ST7L: variants seen among roughly 807,000 people sequenced by gnomAD.
ST7L encodes suppression of tumorigenicity 7 like.
ST7L carries 57 observed loss-of-function variants against 72.5 expected under a neutral mutation model. The ratio of observed to expected loss-of-function variants is 0.79; its 90% confidence interval spans 0.64 to 0.98. ST7L has a LOEUF of 0.98. ST7L is among the 50% of genes least tolerant of loss of function. The probability of loss-of-function intolerance (pLI) is 0.00; values close to 1 mark genes in which losing one functional copy is unlikely to be tolerated. For synonymous variants in ST7L, 221 were observed against 240.9 expected (o/e 0.92, Z 0.77); for missense variants, 576 against 672.2 (o/e 0.86, Z 1.58).
downstream of ST7L, chr1:112,521,311 C>CTTTTTTT (rs5777124): frequency 5.4e-4 from 66 of 121,960 alleles, 1 homozygote; most frequent in Non-Finnish European, 7.7e-4. Flanking sequence ...CTTGTGTTGC[C>CTTTTTTT]TTTTTTTTTT....
chr1:112,520,813 G>T (rs1652831204), downstream of ST7L: 1 of 370,530 alleles, frequency 2.7e-6, no homozygotes, highest in South Asian at 6.2e-5. Context: ...CGTAGTTGAG[G>T]CTCCTTTTTT....
At chr1:112,603,514 T>G (rs1173609881) in intron 3 of ST7L, among the ~76,000 whole-genome samples, 1 of 152,208 alleles carries the variant, frequency 6.6e-6, no homozygotes, top group African/African-American at 2.4e-5. Context: ...CAATTACACA[T>G]CTGTGTGATG....
Position 112,618,947 on chromosome 1 carries a change from A to T in ST7L, c.167T>A (p.Leu56Gln). Residue 56 changes from leucine to glutamine, a missense_variant, in exon 1 of 15, where the codon CTG becomes CAG. By Grantham distance (113) the Leu-to-Gln change is moderately radical (BLOSUM62 -2). Coordinates refer to ENST00000358039, the MANE Select transcript of ST7L (RefSeq NM_017744.5). ...CTCACACAGCCTCAAAGGGATCCTC[A>T]GGGCGTAAAGCAGCCCCAGCCCCGC... ...FVAGLGLLYA[L>Q]RIPLRLCENL... The T allele has an allele frequency of 6.3e-7, 1 of 1,587,548 alleles. No homozygotes were observed. The highest frequency in any genetic ancestry group is 8.6e-7 in the Non-Finnish European group (1 of 1,167,092).
chr1:112,535,695 C>G (rs1655090029), intron 14 of ST7L, among the ~76,000 whole-genome samples: 1 of 151,744 alleles, frequency 6.6e-6, no homozygotes, highest in Non-Finnish European at 1.5e-5. Context: ...TGCACTCCTG[C>G]CTGGGTGAGA....
chr1:112,612,020 C>T (rs1474306083), intron 2 of ST7L, among the ~76,000 whole-genome samples: 1 of 149,222 alleles, frequency 6.7e-6, no homozygotes, highest in Non-Finnish European at 1.5e-5. Context: ...AGTCTTCTGC[C>T]AAATGTAGTG....
At chr1:112,554,102 C>A (rs976071682) in intron 12 of ST7L, among the ~76,000 whole-genome samples, 4 of 152,200 alleles carry the variant, frequency 2.6e-5, no homozygotes, top group African/African-American at 9.7e-5. Flanking sequence ...CAAGGTGCCT[C>A]AGAGTAGTTT....
At chr1:112,586,506 A>G (rs6671645) in intron 6 of ST7L, among the ~76,000 whole-genome samples, 45,528 of 152,040 alleles carry the variant, frequency 0.3, 7,557 homozygotes, top group African/African-American at 0.44. Flanking sequence ...CGACTGAAAT[A>G]TTTTAAAATA....
At chr1:112,590,874 T>A (rs1571203807) in intron 6 of ST7L, among the ~76,000 whole-genome samples, 1 of 152,062 alleles carries the variant, frequency 6.6e-6, no homozygotes, top group East Asian at 1.9e-4. Context: ...TTTAAGTGAA[T>A]GTTTTAAACG....
intron 14 of ST7L, among the ~76,000 whole-genome samples, chr1:112,533,965 C>T (rs1386584595): frequency 6.6e-6 from 1 of 152,218 alleles, no homozygotes; most frequent in African/African-American, 2.4e-5. Context: ...CAGGTGTCAG[C>T]CACCATGCAC....
chr1:112,562,432 G>A (rs763704550), intron 11 of ST7L, among the ~76,000 whole-genome samples: 68 of 152,020 alleles, frequency 4.5e-4, no homozygotes, highest in Non-Finnish European at 8.2e-4. Flanking sequence ...AACTATGGGA[G>A]AAACATACAA....
intron 4 of ST7L, among the ~76,000 whole-genome samples, chr1:112,599,867 G>A (rs1337068782): frequency 2.0e-5 from 3 of 152,010 alleles, no homozygotes; most frequent in Non-Finnish European, 2.9e-5. Context: ...ATACTTATAC[G>A]TATCACAAAC....
chr1:112,613,312 G>T (rs1440122769), intron 2 of ST7L, among the ~76,000 whole-genome samples: 2 of 145,066 alleles, frequency 1.4e-5, no homozygotes, highest in African/African-American at 5.1e-5. Flanking sequence ...CTTTCTATGA[G>T]CCACACATTA....
At chr1:112,519,965 CCAGCCTCGTGTTACTTTCACCT>C (rs1206735675), downstream of ST7L, among the ~76,000 whole-genome samples, 1 of 151,136 alleles carries the variant, frequency 6.6e-6, no homozygotes, top group East Asian at 1.9e-4. Flanking sequence ...CCTCGACCTC[CCAGCCTCGTGTTACTTTCACCT>C]CAGCCTCCTG....
intron 11 of ST7L, among the ~76,000 whole-genome samples, chr1:112,564,931 A>T (rs1432291933): frequency 6.6e-6 from 1 of 151,820 alleles, no homozygotes; most frequent in East Asian, 1.9e-4. Flanking sequence ...TCTATGTATC[A>T]ATTTATTTTT....
chr1:112,557,137 T>A (rs1659335485), intron 11 of ST7L, among the ~76,000 whole-genome samples: 1 of 152,030 alleles, frequency 6.6e-6, no homozygotes, highest in Non-Finnish European at 1.5e-5. Flanking sequence ...AAGTATACAA[T>A]TCGAGGATTT....
intron 3 of ST7L, among the ~76,000 whole-genome samples, chr1:112,609,265 CT>C (rs1668706145): frequency 6.6e-6 from 1 of 152,190 alleles, no homozygotes; most frequent in Non-Finnish European, 1.5e-5. Context: ...GGCTCAGTGG[CT>C]CACGCCTGTA....
chr1:112,562,790 T>TAAA (rs1245395230), intron 11 of ST7L, among the ~76,000 whole-genome samples: 1 of 152,040 alleles, frequency 6.6e-6, no homozygotes, highest in South Asian at 2.1e-4. Flanking sequence ...CAAGCAGAGG[T>TAAA]CTTTTAAGAC....
chr1:112,550,484 T>G, intron 13 of ST7L, 117 bp downstream of exon 13: 1 of 667,576 alleles, frequency 1.5e-6, no homozygotes, highest in South Asian at 2.3e-5. Context: ...GTGGCTAAAA[T>G]AGTATTTAAA....
downstream of ST7L, chr1:112,520,701 T>C: frequency 1.6e-6 from 1 of 622,082 alleles, no homozygotes. Context: ...TGTCAGGGGA[T>C]ATAAGAAACT....
Sources: allele counts gnomAD v4.1 joint callset (sites outside exome capture counted in the v4.1 genomes callset), GRCh38; gene constraint gnomAD v4.1.1; transcripts MANE v1.5; gene names NCBI Gene and HGNC (gene_info 2026-07-23, HGNC 2026-07-21).